The following CTNNA3 variants were observed in gnomAD, a reference collection of about 807,000 sequenced individuals.
CTNNA3 encodes catenin alpha-3.
A neutral mutation model predicts 95.7 loss-of-function variants in CTNNA3; 76 were observed. That is an observed-to-expected ratio of 0.79 (90% confidence interval 0.66 to 0.96). The LOEUF is 0.96. CTNNA3 is among the 40% of genes least tolerant of loss of function. The probability of loss-of-function intolerance (pLI) is 0.00; values close to 1 mark genes in which losing one functional copy is unlikely to be tolerated. For synonymous variants in CTNNA3, 431 were observed against 374.4 expected (o/e 1.15, Z -1.74); for missense variants, 1,191 against 1,089.8 (o/e 1.09, Z -1.31).
chr10:67,404,177 G>A (rs1046548657), intron 5 of CTNNA3, among the ~76,000 whole-genome samples: 4 of 151,684 alleles, frequency 2.6e-5, no homozygotes, highest in Non-Finnish European at 5.9e-5. Context: ...CTCTCCAGCA[G>A]GGATTTAGAA....
intron 11 of CTNNA3, among the ~76,000 whole-genome samples, chr10:66,445,680 A>G (rs935331664): frequency 1.3e-5 from 2 of 152,132 alleles, no homozygotes; most frequent in African/African-American, 4.8e-5. Flanking sequence ...AGCAGTGTGT[A>G]GAGGAAAATT....
At chr10:66,808,926 A>AAATTAGTAG (rs1262660436) in intron 7 of CTNNA3, among the ~76,000 whole-genome samples, 2 of 152,234 alleles carry the variant, frequency 1.3e-5, no homozygotes, top group African/African-American at 4.8e-5. Flanking sequence ...GTGTATATTT[A>AAATTAGTAG]AATTAGTAGA....
At chr10:67,046,506 T>C (rs1440411136) in intron 7 of CTNNA3, among the ~76,000 whole-genome samples, 1 of 152,174 alleles carries the variant, frequency 6.6e-6, no homozygotes, top group African/African-American at 2.4e-5. Flanking sequence ...AACAAGGGGA[T>C]TCCTGGAAAG....
chr10:66,566,111 T>A (rs1842697480), intron 10 of CTNNA3, among the ~76,000 whole-genome samples: 2 of 152,186 alleles, frequency 1.3e-5, no homozygotes, highest in Admixed American at 1.3e-4. Context: ...GGGGCTGTTT[T>A]TAAAAGTTAG....
chr10:66,493,514 T>C (rs1344526906), intron 11 of CTNNA3, among the ~76,000 whole-genome samples: 1 of 149,134 alleles, frequency 6.7e-6, no homozygotes, highest in Non-Finnish European at 1.5e-5. Context: ...TTTGGGAGTC[T>C]GTTTGTGAAC....
chr10:66,552,486 T>C (rs1230272598), intron 10 of CTNNA3, among the ~76,000 whole-genome samples: 1 of 152,130 alleles, frequency 6.6e-6, no homozygotes, highest in Non-Finnish European at 1.5e-5. Context: ...AAAGTTGACA[T>C]GCTTTTTCTG....
chr10:67,697,746 TG>T (rs1336849446), upstream of CTNNA3, among the ~76,000 whole-genome samples: 5 of 140,248 alleles, frequency 3.6e-5, no homozygotes, highest in Non-Finnish European at 1.5e-5. Context: ...GCTTTTATAG[TG>T]GGTTTTTTTT....
At chr10:66,659,209 CACACACACAT>C (rs926325063) in intron 9 of CTNNA3, among the ~76,000 whole-genome samples, 1 of 151,862 alleles carries the variant, frequency 6.6e-6, no homozygotes, top group African/African-American at 2.4e-5. Context: ...CACACACACA[CACACACACAT>C]ACGTGTAGTT....
At chr10:66,292,749 T>A (rs2091705745) in intron 12 of CTNNA3, among the ~76,000 whole-genome samples, 1 of 152,192 alleles carries the variant, frequency 6.6e-6, no homozygotes, top group Non-Finnish European at 1.5e-5. Flanking sequence ...CATATCATTT[T>A]ATTATTTCTA....
At chr10:66,130,688 C>CA (rs1010444297) in intron 13 of CTNNA3, among the ~76,000 whole-genome samples, 3 of 151,482 alleles carry the variant, frequency 2.0e-5, no homozygotes, top group South Asian at 2.1e-4. Context: ...ACTAAAAATA[C>CA]AAAAAACGAG....
intron 13 of CTNNA3, among the ~76,000 whole-genome samples, chr10:66,170,902 G>C (rs1304778684): frequency 6.6e-6 from 1 of 152,054 alleles, no homozygotes; most frequent in Non-Finnish European, 1.5e-5. Context: ...GGGAGGCCGA[G>C]GTGGGTGGAT....
At chr10:67,470,503 C>T (rs922395539) in intron 5 of CTNNA3, among the ~76,000 whole-genome samples, 14 of 152,086 alleles carry the variant, frequency 9.2e-5, no homozygotes, top group Non-Finnish European at 1.5e-4. Flanking sequence ...TAGGTAAATA[C>T]GTTACTGAGT....
intron 9 of CTNNA3, among the ~76,000 whole-genome samples, chr10:66,722,375 CT>C (rs1252374705): frequency 3.6e-5 from 3 of 82,880 alleles, no homozygotes; most frequent in South Asian, 4.1e-4. Flanking sequence ...GAGACCCTGT[CT>C]CAAAAAAAAA....
intron 10 of CTNNA3, among the ~76,000 whole-genome samples, chr10:66,581,867 T>G (rs968387266): frequency 1.3e-5 from 2 of 151,730 alleles, no homozygotes; most frequent in African/African-American, 4.8e-5. Context: ...TTCTTCTACA[T>G]GTGACTATGC....
chr10:67,252,362 G>A (rs1482077997), intron 5 of CTNNA3, among the ~76,000 whole-genome samples: 2 of 152,138 alleles, frequency 1.3e-5, no homozygotes, highest in African/African-American at 2.4e-5. Context: ...AAGACCCTCA[G>A]TGGATGCCTA....
Position 67,180,324 on chromosome 10 carries a change from A to G in CTNNA3, c.1040T>C (p.Met347Thr), listed in dbSNP as rs1862461338. The change falls in exon 7 of 18, where the codon ATG (methionine) becomes ACG (threonine). Residue 347 changes from methionine to threonine, a missense_variant. Met to Thr is a moderately conservative substitution (Grantham distance 81, BLOSUM62 -1). Coordinates refer to ENST00000433211, the MANE Select transcript of CTNNA3 (RefSeq NM_013266.4). Reference protein sequence around the residue: ...QALQDLLSEYMNNAGKKERSN... With the variant: ...QALQDLLSEYTNNAGKKERSN... ...GGCAAACCAGTCACCTACGTTGTTCATGTACTCTGAAAGCAGATCCTGAAG... is the reference window on the plus strand; with the variant it reads ...GGCAAACCAGTCACCTACGTTGTTCGTGTACTCTGAAAGCAGATCCTGAAG... The G allele has an allele frequency of 3.7e-6, 6 of 1,613,196 alleles. No homozygotes were observed. In the East Asian group the frequency reaches 1.3e-4, roughly 36 times the overall value.
intron 5 of CTNNA3, among the ~76,000 whole-genome samples, chr10:67,400,277 A>C (rs1844869859): frequency 6.6e-6 from 1 of 152,154 alleles, no homozygotes; most frequent in African/African-American, 2.4e-5. Context: ...ACAATCTATC[A>C]CCCATAAACA....
Position 66,268,082 on chromosome 10 carries a change from A to AATG in CTNNA3, c.1884+12385_1884+12387dup, listed in dbSNP as rs147518118. ...TTAAAAAATAACTGTTATTGTTGAA[A>AATG]ATGATGATGATGATGATGATAATAA... On this transcript the variant is annotated intron_variant, in intron 13 of 17. Transcript: ENST00000433211. 6.5e-4 allele frequency among the ~76,000 whole-genome samples: 99 copies of AATG among 152,040 alleles called. 1 individual carries two copies. The highest frequency in any genetic ancestry group is 2.1e-3 in the African/African-American group (87 of 41,492).
chr10:66,111,892 C>G (rs561429424), intron 13 of CTNNA3, among the ~76,000 whole-genome samples: 36 of 152,094 alleles, frequency 2.4e-4, no homozygotes, highest in Non-Finnish European at 4.7e-4. Context: ...CAGACTTTTC[C>G]TATGCTTAAA....
Sources: gnomAD v4.1 joint callset for allele counts (sites outside exome capture counted in the v4.1 genomes callset) on GRCh38, gnomAD v4.1.1 for gene constraint, MANE v1.5 for transcripts, NCBI Gene and HGNC (gene_info 2026-07-23, HGNC 2026-07-21) for gene names.